Variants in PSMA3 observed in about 807,000 individuals in gnomAD.
PSMA3 encodes the protein proteasome 20S subunit alpha 3.
Under a neutral mutation model 40.0 loss-of-function variants are expected in PSMA3, and 8 were observed. The ratio of observed to expected loss-of-function variants is 0.20; its 90% CI spans 0.12 to 0.36. The LOEUF (loss-of-function observed/expected upper bound fraction) is 0.36. Among genes scored for constraint, PSMA3 ranks in the 10% least tolerant of loss-of-function variants. The pLI, the probability that PSMA3 is intolerant of heterozygous loss-of-function variation, is 1.00. For missense variants in PSMA3, 219 were observed against 310.6 expected, an observed-to-expected ratio of 0.70 and a Z score of 2.22; for synonymous variants, 110 against 100.0, an observed-to-expected ratio of 1.10 and a Z score of -0.59.
chr14:58,248,876 TCA>T (rs1490065544), intron 2 of PSMA3, among the ~76,000 whole-genome samples: 1 of 152,012 alleles, frequency 6.6e-6, no homozygotes, highest in Non-Finnish European at 1.5e-5. Flanking sequence ...GGCAGGAGAA[TCA>T]CTTGAACCTG....
At chr14:58,262,965 G>A (rs1036411055) in intron 6 of PSMA3, among the ~76,000 whole-genome samples, 1 of 149,488 alleles carries the variant, frequency 6.7e-6, no homozygotes, top group Non-Finnish European at 1.5e-5. Context: ...TGCTGTAACA[G>A]AAGTATATAT....
At chr14:58,270,878 A>C in intron 9 of PSMA3, 56 bp from the exon 10 acceptor site, 4 of 1,415,952 alleles carry the variant, frequency 2.8e-6, no homozygotes, top group Non-Finnish European at 2.9e-6. Context: ...GTATACTGCA[A>C]GTTACAATAT....
chr14:58,260,061 A>G (rs1290031747), intron 5 of PSMA3, among the ~76,000 whole-genome samples: 1 of 152,216 alleles, frequency 6.6e-6, no homozygotes, highest in Non-Finnish European at 1.5e-5. Flanking sequence ...AATATTCCGC[A>G]TATAAGATGA....
intron 3 of PSMA3, among the ~76,000 whole-genome samples, chr14:58,256,416 CTTT>C (rs377353285): frequency 1.0e-4 from 14 of 136,600 alleles, no homozygotes; most frequent in Admixed American, 3.0e-4. Flanking sequence ...TGAGCATTTC[CTTT>C]TTTTTTTTTT....
intron 3 of PSMA3, among the ~76,000 whole-genome samples, chr14:58,255,998 A>G (rs559730169): frequency 6.6e-6 from 1 of 151,998 alleles, no homozygotes; most frequent in Non-Finnish European, 1.5e-5. Flanking sequence ...AGGTAGGATT[A>G]TAGGTGCCCG....
At chr14:58,270,892 A>G (rs778221726) in intron 9 of PSMA3, 42 bp from the exon 10 acceptor site, 3 of 1,475,778 alleles carry the variant, frequency 2.0e-6, no homozygotes, top group South Asian at 2.4e-5. Context: ...ACAATATGGT[A>G]CTCAATTTAA....
chr14:58,248,754 A>C (rs986943565), intron 2 of PSMA3, among the ~76,000 whole-genome samples: 4 of 150,088 alleles, frequency 2.7e-5, no homozygotes, highest in African/African-American at 9.8e-5. Flanking sequence ...CAGGAGTTTG[A>C]GACCAGCCTG....
intron 1 of PSMA3, among the ~76,000 whole-genome samples, chr14:58,245,992 C>T (rs1192890929): frequency 6.6e-6 from 1 of 152,130 alleles, no homozygotes; most frequent in Admixed American, 6.5e-5. Context: ...ATTAATATTA[C>T]CTTGAATTAA....
intron 3 of PSMA3, among the ~76,000 whole-genome samples, chr14:58,257,312 A>G (rs1419316447): frequency 6.6e-6 from 1 of 151,982 alleles, no homozygotes; most frequent in African/African-American, 2.4e-5. Flanking sequence ...CCTGGCTGAC[A>G]TGGTGAAACC....
At chr14:58,266,291 A>G (rs1018665376) in intron 7 of PSMA3, 1 of 152,234 alleles carries the variant, frequency 6.6e-6, no homozygotes, top group Admixed American at 6.5e-5. Context: ...ATTAAAAAAT[A>G]AAAGATAATC....
At chr14:58,263,949 TAAGA>T (rs1890359286) in intron 7 of PSMA3, among the ~76,000 whole-genome samples, 179 bp downstream of exon 7, 1 of 152,204 alleles carries the variant, frequency 6.6e-6, no homozygotes, top group African/African-American at 2.4e-5. Flanking sequence ...CATCATGTGT[TAAGA>T]AAGTTTACGA....
In PSMA3 at chr14:58,250,220, C is replaced by CAAAAA. The variant is rs10634649; in HGVS notation, c.105-1887_105-1883dup. On this transcript the variant is annotated intron_variant, in intron 2 of 10. Coordinates refer to ENST00000216455, the MANE Select transcript of PSMA3 (RefSeq NM_002788.4). The stretch of plus-strand genomic sequence containing the variant: ...GGGCAACAGAGCGAGACTCCATCTC[C>CAAAAA]AAAAAAAAAAAAAAAATAGGGACAG... Among the ~76,000 whole-genome samples the CAAAAA allele has an allele frequency of 1.6e-4, 15 of 93,026 alleles. 2 individuals carry two copies. Among genetic ancestry groups the CAAAAA allele is most frequent in the Admixed American group, 1.3e-4 (1 of 7,726 alleles). 61.0% of individuals were successfully genotyped at this position (93,026 alleles called of 152,430 possible).
At chr14:58,258,809 T>A (rs1890205945) in intron 5 of PSMA3, among the ~76,000 whole-genome samples, 1 of 151,372 alleles carries the variant, frequency 6.6e-6, no homozygotes, top group South Asian at 2.1e-4. Flanking sequence ...TTGGTCAAAA[T>A]AATACATATA....
At chr14:58,268,147 T>C (rs1194423129) in intron 8 of PSMA3, 1 of 152,216 alleles carries the variant, frequency 6.6e-6, no homozygotes, top group Non-Finnish European at 1.5e-5. Flanking sequence ...TGGGTAGTGA[T>C]GTTTCTAAAA....
intron 7 of PSMA3, chr14:58,266,326 C>T (rs892815772): frequency 3.3e-5 from 5 of 152,154 alleles, no homozygotes; most frequent in Admixed American, 3.3e-4. Flanking sequence ...GTAGTTGAAT[C>T]ACCTTAAGTC....
At chr14:58,264,612 T>C (rs1310253634) in intron 7 of PSMA3, 2 of 152,236 alleles carry the variant, frequency 1.3e-5, no homozygotes, top group African/African-American at 4.8e-5. Context: ...ACTAGAACCC[T>C]GCTCAACTAA....
At chr14:58,252,930 T>A (rs115065592) in intron 3 of PSMA3, among the ~76,000 whole-genome samples, 2,096 of 151,932 alleles carry the variant, frequency 0.014, 44 homozygotes, top group African/African-American at 0.047. Flanking sequence ...TTTACATAAA[T>A]TACCTTGTTT....
chr14:58,261,779 T>G (rs1890288277), intron 6 of PSMA3, among the ~76,000 whole-genome samples: 1 of 152,076 alleles, frequency 6.6e-6, no homozygotes, highest in African/African-American at 2.4e-5. Context: ...AGCTAATTTT[T>G]GTATTTTTTT....
intron 3 of PSMA3, among the ~76,000 whole-genome samples, chr14:58,252,752 A>T (rs1220362563): frequency 6.6e-6 from 1 of 151,638 alleles, no homozygotes; most frequent in East Asian, 1.9e-4. Flanking sequence ...CCATAGATAC[A>T]TGACTGGTAT....
Sources: gnomAD v4.1 joint callset for allele counts (sites outside exome capture counted in the v4.1 genomes callset) on GRCh38, gnomAD v4.1.1 for gene constraint, MANE v1.5 for transcripts, NCBI Gene and HGNC (gene_info 2026-07-23, HGNC 2026-07-21) for gene names.